Variants in RSU1 observed in about 807,000 individuals in gnomAD.
RSU1 encodes rsu-1.
RSU1 carries 26 observed loss-of-function variants against 31.1 expected under a neutral mutation model. The ratio of observed to expected loss-of-function variants is 0.84; its 90% confidence interval spans 0.61 to 1.16. The LOEUF is 1.16. RSU1 is among the 50% of genes most tolerant of loss of function. The pLI is 0.00. For missense variants in RSU1, 320 were observed against 339.1 expected (o/e 0.94, Z 0.44); for synonymous variants, 164 against 136.3 (o/e 1.20, Z -1.41).
intron 7 of RSU1, among the ~76,000 whole-genome samples, chr10:16,701,008 ATT>A (rs1240302935): frequency 6.6e-6 from 1 of 152,186 alleles, no homozygotes; most frequent in Non-Finnish European, 1.5e-5. Context: ...AAAGGATAAT[ATT>A]AAGTTTTTAA....
At chr10:16,785,587 G>A (rs780265792) in intron 2 of RSU1, among the ~76,000 whole-genome samples, 1 of 150,960 alleles carries the variant, frequency 6.6e-6, no homozygotes, top group African/African-American at 2.4e-5. Context: ...ACCCATTTAT[G>A]AGAACTTTGC....
intron 7 of RSU1, among the ~76,000 whole-genome samples, chr10:16,736,566 G>C (rs1040206880): frequency 2.4e-4 from 37 of 151,742 alleles, no homozygotes; most frequent in Non-Finnish European, 4.4e-4. Flanking sequence ...CATAAAAAAA[G>C]ACAAAAAGAA....
chr10:16,682,986 A>T (rs1255147840), intron 8 of RSU1, among the ~76,000 whole-genome samples: 1 of 152,148 alleles, frequency 6.6e-6, no homozygotes, highest in Non-Finnish European at 1.5e-5. Flanking sequence ...GGTACCTTTC[A>T]TTCCTAACGC....
chr10:16,808,261 T>C (rs947341725), intron 2 of RSU1, among the ~76,000 whole-genome samples: 6 of 151,946 alleles, frequency 3.9e-5, no homozygotes, highest in African/African-American at 1.5e-4. Flanking sequence ...GTGGATCACC[T>C]GAGGCCAGGA....
At chr10:16,663,168 C>G (rs552791605) in intron 8 of RSU1, among the ~76,000 whole-genome samples, 5 of 152,100 alleles carry the variant, frequency 3.3e-5, no homozygotes, top group Non-Finnish European at 7.4e-5. Context: ...GAGAGCCTGG[C>G]AGACATGGTT....
chr10:16,675,214 AAAAG>A (rs1480028629), intron 8 of RSU1, among the ~76,000 whole-genome samples: 3 of 150,918 alleles, frequency 2.0e-5, no homozygotes, highest in East Asian at 1.9e-4. Context: ...AAAAAAAAAA[AAAAG>A]AAAGAAAAAA....
intron 8 of RSU1, among the ~76,000 whole-genome samples, chr10:16,646,935 T>C (rs116416461): frequency 1.3e-3 from 190 of 151,954 alleles, no homozygotes; most frequent in African/African-American, 4.5e-3. Flanking sequence ...GGAACCAAAA[T>C]GTCAGATGGT....
At chr10:16,757,095 G>A (rs963249047) in intron 4 of RSU1, among the ~76,000 whole-genome samples, 5 of 150,268 alleles carry the variant, frequency 3.3e-5, no homozygotes, top group South Asian at 2.1e-4. Context: ...GGTGTGGTGC[G>A]TGTGGGTATG....
chr10:16,741,045 C>T (rs376274925), intron 7 of RSU1, among the ~76,000 whole-genome samples: 1 of 152,110 alleles, frequency 6.6e-6, no homozygotes, highest in African/African-American at 2.4e-5. Flanking sequence ...AACTAACATG[C>T]CCCAATTTAA....
chr10:16,690,929 C>T (rs1323369792), intron 8 of RSU1, among the ~76,000 whole-genome samples: 1 of 151,968 alleles, frequency 6.6e-6, no homozygotes, highest in African/African-American at 2.4e-5. Context: ...TACACATCCG[C>T]AACACACAGA....
At chr10:16,769,547 A>G (rs888444604) in intron 3 of RSU1, among the ~76,000 whole-genome samples, 3 of 152,182 alleles carry the variant, frequency 2.0e-5, no homozygotes, top group Admixed American at 2.0e-4. Flanking sequence ...GAATCACCAG[A>G]TGGCTTGCTA....
At chr10:16,629,739 G>T (rs1834216524) in intron 8 of RSU1, among the ~76,000 whole-genome samples, 1 of 152,100 alleles carries the variant, frequency 6.6e-6, no homozygotes, top group Non-Finnish European at 1.5e-5. Flanking sequence ...CATTACCTCT[G>T]TGTAAATTTT....
At chr10:16,649,928 CA>C in intron 8 of RSU1, among the ~76,000 whole-genome samples, 1 of 152,200 alleles carries the variant, frequency 6.6e-6, no homozygotes, top group Non-Finnish European at 1.5e-5. Flanking sequence ...TGTTTAAAAC[CA>C]AAAGTAAACA....
chr10:16,774,114 C>T (rs1340956925), intron 3 of RSU1, among the ~76,000 whole-genome samples: 1 of 148,760 alleles, frequency 6.7e-6, no homozygotes. Context: ...AAAAAAAAAA[C>T]TGCATATGCC....
At chr10:16,687,405 A>G (rs1385817384) in intron 8 of RSU1, among the ~76,000 whole-genome samples, 4 of 152,234 alleles carry the variant, frequency 2.6e-5, no homozygotes, top group African/African-American at 7.2e-5. Context: ...TAAAGCCTCA[A>G]AAGCCTGTGA....
intron 7 of RSU1, among the ~76,000 whole-genome samples, chr10:16,729,251 A>G (rs996854706): frequency 6.6e-6 from 1 of 152,228 alleles, no homozygotes; most frequent in Non-Finnish European, 1.5e-5. Context: ...TAATTCTTAC[A>G]CAAGGCTAGG....
At chr10:16,646,777 A>G (rs953692165) in intron 8 of RSU1, among the ~76,000 whole-genome samples, 10 of 152,208 alleles carry the variant, frequency 6.6e-5, no homozygotes, top group African/African-American at 9.7e-5. Flanking sequence ...AAGCACATGG[A>G]TAAGATGTCC....
chr10:16,697,671 A>AG (rs1252530985), intron 7 of RSU1, among the ~76,000 whole-genome samples: 1 of 152,046 alleles, frequency 6.6e-6, no homozygotes, highest in African/African-American at 2.4e-5. Context: ...TAAAAAAAAA[A>AG]AAAGAAAAAG....
At chr10:16,788,643 C>T (rs905665577) in intron 2 of RSU1, among the ~76,000 whole-genome samples, 5 of 152,194 alleles carry the variant, frequency 3.3e-5, no homozygotes, top group Admixed American at 6.5e-5. Flanking sequence ...TTTGTTATAA[C>T]GGCCAGAGCT....
Sources: allele counts gnomAD v4.1 joint callset (sites outside exome capture counted in the v4.1 genomes callset), GRCh38; gene constraint gnomAD v4.1.1; transcripts MANE v1.5; gene names NCBI Gene and HGNC (gene_info 2026-07-23, HGNC 2026-07-21).